HS6ST2: variants seen among roughly 807,000 people sequenced by gnomAD.
HS6ST2 encodes the protein heparan sulfate 6-O-sulfotransferase 2, also known as heparan-sulfate 6-O-sulfotransferase 2.
HS6ST2 carries 17 observed loss-of-function variants against 33.0 expected under a neutral mutation model. The ratio of observed to expected loss-of-function variants is 0.52; its 90% CI spans 0.35 to 0.77. The LOEUF is 0.77. Ranked by LOEUF, HS6ST2 falls within the 30% of genes least tolerant of loss-of-function variation. The pLI, the probability that HS6ST2 is intolerant of heterozygous loss-of-function variation, is 0.01. For synonymous variants in HS6ST2, 248 were observed against 237.1 expected (o/e 1.05, Z -0.42); for missense variants, 519 against 551.7 (o/e 0.94, Z 0.59).
intron 2 of HS6ST2, among the ~76,000 whole-genome samples, chrX:132,849,327 T>C (rs755122249): frequency 6.3e-5 from 7 of 111,134 alleles, no homozygotes; most frequent in African/African-American, 1.3e-4. Flanking sequence ...TGCTGGCTTT[T>C]AAAGAGCCAA....
Position 132,958,407 on chromosome X carries a change from G to A in HS6ST2, c.196C>T (p.Pro66Ser). 1.7e-6 allele frequency: 2 copies of A among 1,197,343 alleles called. No homozygotes were observed. Among genetic ancestry groups the A allele is most frequent in the Non-Finnish European group, 2.2e-6 (2 of 891,325 alleles). Reference sequence around the variant, plus strand: ...GCCTTTCGGGGCTTGTCCAGGAGCGGCCGGGTGTGGAATCCGTGAGACACA... The same window carrying A: ...GCCTTTCGGGGCTTGTCCAGGAGCGACCGGGTGTGGAATCCGTGAGACACA... ...RGVSHGFHTR[P>S]LLDKPRKASS... The change falls in exon 1 of 5, where the codon CCG becomes TCG. Residue 66 changes from proline (P) to serine (S), a missense_variant. Physicochemically the swap from Pro to Ser is moderately conservative, Grantham distance 74 (BLOSUM62 -1). Transcript: ENST00000370833.
rs1490883343 is a variant in HS6ST2, at chrX:132,628,761, T to C, written c.1400A>G (p.His467Arg). The C allele has an allele frequency of 8.3e-7, 1 of 1,211,994 alleles. No individual in the cohort carries two copies. ...CTCAGTGAGGCCGAAGAACGCCATG[T>C]GCTTCAGATTTGACTTGGCACTTTC... The part of the protein sequence containing the change: ...LLESAKSNLK[H>R]MAFFGLTEFQ... The change falls in exon 5 of 5, where the codon CAC (histidine) becomes CGC (arginine). Residue 467 changes from histidine to arginine, a missense_variant. Transcript: ENST00000370833.
intron 3 of HS6ST2, among the ~76,000 whole-genome samples, chrX:132,697,178 G>C (rs1366313152): frequency 8.9e-6 from 1 of 112,103 alleles, no homozygotes; most frequent in Non-Finnish European, 1.9e-5. Flanking sequence ...TATATGAGAA[G>C]GGAAATGAGC....
chrX:132,957,375 CTCG>C lies in HS6ST2; in HGVS notation c.429-52_429-50del. 2.7e-6 allele frequency: 3 copies of C among 1,112,930 alleles called. No homozygotes were observed. In the South Asian group the frequency reaches 6.8e-5, roughly 25 times the overall value. 91.7% of individuals were successfully genotyped at this position (1,112,930 alleles called of 1,213,427 possible). On this transcript the variant is annotated intron_variant, in intron 1 of 4. Coordinates refer to ENST00000370833, the MANE Select transcript of HS6ST2 (RefSeq NM_001394073.1). ...CGTCAATCCCGCAGCTCAGCCCGCG[CTCG>C]TCGTGCCCCCGCACCGCCCCCTTCC...
chrX:132,793,820 C>T (rs993246388), intron 2 of HS6ST2, among the ~76,000 whole-genome samples: 3 of 112,490 alleles, frequency 2.7e-5, no homozygotes. Context: ...CGAAATCTCA[C>T]TTTGTTCATA....
chrX:132,949,109 C>T (rs981102724), intron 2 of HS6ST2, among the ~76,000 whole-genome samples: 1 of 111,115 alleles, frequency 9.0e-6, no homozygotes, highest in Admixed American at 9.7e-5. Flanking sequence ...GCAAAGTGAA[C>T]TCTCCTTTTC....
In HS6ST2 at chrX:132,701,644, CG is replaced by C. The variant is rs762112108; in HGVS notation, c.980+6817del. ...TCCCACAGAGCTCAATGGGACAGGA[CG>C]GGAGGTGTGAGAGGAGTTAGGGAAG... On this transcript the variant is annotated intron_variant, in intron 3 of 4. Coordinates refer to ENST00000370833, the MANE Select transcript of HS6ST2 (RefSeq NM_001394073.1). Among the ~76,000 whole-genome samples the C allele has an allele frequency of 1.6e-3, 180 of 111,940 alleles. 1 individual carries two copies. The highest frequency in any genetic ancestry group is 5.7e-3 in the African/African-American group (175 of 30,855).
At chrX:132,718,963 T>C (rs1043139896) in intron 2 of HS6ST2, among the ~76,000 whole-genome samples, 1 of 110,672 alleles carries the variant, frequency 9.0e-6, no homozygotes, top group African/African-American at 3.3e-5. Context: ...GCAATCAAAT[T>C]ACATATAGAC....
At chrX:132,899,935 C>T (rs1003423470) in intron 2 of HS6ST2, among the ~76,000 whole-genome samples, 1 of 110,788 alleles carries the variant, frequency 9.0e-6, no homozygotes, top group African/African-American at 3.3e-5. Context: ...AAAAAACTGA[C>T]ACCTTATCAT....
chrX:132,858,726 G>A (rs1325542745), intron 2 of HS6ST2, among the ~76,000 whole-genome samples: 2 of 112,195 alleles, frequency 1.8e-5, no homozygotes, highest in African/African-American at 6.5e-5. Flanking sequence ...GGAGATGGTG[G>A]AGAAGAGGCA....
chrX:132,897,550 T>C (rs1272786473), intron 2 of HS6ST2, among the ~76,000 whole-genome samples: 1 of 111,751 alleles, frequency 8.9e-6, no homozygotes, highest in African/African-American at 3.3e-5. Flanking sequence ...CAGTGAAAGA[T>C]AATATATAAA....
chrX:132,635,981 C>T (rs947425744), intron 4 of HS6ST2, among the ~76,000 whole-genome samples: 1 of 110,858 alleles, frequency 9.0e-6, no homozygotes, highest in African/African-American at 3.3e-5. Flanking sequence ...CTTCCTTGAC[C>T]TCCCTGGATG....
At chrX:132,641,961 C>G (rs1233369820) in intron 4 of HS6ST2, among the ~76,000 whole-genome samples, 1 of 111,999 alleles carries the variant, frequency 8.9e-6, no homozygotes, top group African/African-American at 3.2e-5. Context: ...GGCCTGGGGG[C>G]AGGGGTATAG....
chrX:132,675,889 C>T (rs1436802419), intron 3 of HS6ST2, among the ~76,000 whole-genome samples: 1 of 110,568 alleles, frequency 9.0e-6, no homozygotes, highest in East Asian at 2.8e-4. Context: ...TAACTGGCAA[C>T]CTCAGCTACC....
intron 2 of HS6ST2, among the ~76,000 whole-genome samples, chrX:132,775,363 G>A (rs781776914): frequency 5.4e-5 from 6 of 110,518 alleles, no homozygotes; most frequent in East Asian, 2.9e-4. Flanking sequence ...CAGCTCAGTC[G>A]TGAGCTCCTT....
chrX:132,947,759 T>C (rs1275995208), intron 2 of HS6ST2, among the ~76,000 whole-genome samples: 2 of 111,954 alleles, frequency 1.8e-5, no homozygotes, highest in East Asian at 2.8e-4. Context: ...CTCCTATTTA[T>C]TGTAATAACT....
intron 2 of HS6ST2, among the ~76,000 whole-genome samples, chrX:132,790,896 C>T (rs1020998709): frequency 8.9e-6 from 1 of 111,756 alleles, no homozygotes; most frequent in Non-Finnish European, 1.9e-5. Flanking sequence ...AATCTCAACA[C>T]TTTGGGAAGC....
At chrX:132,797,532 C>A (rs1196527463) in intron 2 of HS6ST2, among the ~76,000 whole-genome samples, 1 of 112,171 alleles carries the variant, frequency 8.9e-6, no homozygotes, top group East Asian at 2.8e-4. Flanking sequence ...ACTCTGAGTG[C>A]GAACAGAGGT....
chrX:132,877,860 A>G (rs1042496094), intron 2 of HS6ST2, among the ~76,000 whole-genome samples: 51 of 110,367 alleles, frequency 4.6e-4, no homozygotes, highest in Non-Finnish European at 8.1e-4. Context: ...CATAAATTCT[A>G]TTGTATGGAA....
Sources: gnomAD v4.1 joint callset for allele counts (sites outside exome capture counted in the v4.1 genomes callset) on GRCh38, gnomAD v4.1.1 for gene constraint, MANE v1.5 for transcripts, NCBI Gene and HGNC (gene_info 2026-07-23, HGNC 2026-07-21) for gene names.